PLD5: variants seen among roughly 807,000 people sequenced by gnomAD.
The protein encoded by PLD5 is inactive phospholipase D5.
PLD5 carries 36 observed loss-of-function variants against 61.1 expected under a neutral mutation model. That is an observed-to-expected ratio of 0.59 (90% confidence interval 0.45 to 0.78). The LOEUF is 0.78. PLD5 is among the 30% of genes least tolerant of loss of function. The pLI is 0.00. For synonymous variants in PLD5, 243 were observed against 242.8 expected, an observed-to-expected ratio of 1.00 and a Z score of -0.01; for missense variants, 515 against 644.4, an observed-to-expected ratio of 0.80 and a Z score of 2.17.
chr1:242,508,896 C>T lies in PLD5; in HGVS notation c.189+15192G>A, dbSNP rs565743756. On this transcript the variant is annotated intron_variant, in intron 1 of 9. Transcript: ENST00000536534. ...AGGAGCTCAAAGTCAGCCTGGCCAA[C>T]GTGGGAAAACCCCATCTCTACTAAA... 2.0e-5 allele frequency among the ~76,000 whole-genome samples: 3 copies of T among 152,218 alleles called. No homozygotes were observed. The South Asian group carries it at 6.2e-4, about 32-fold the overall frequency.
intron 5 of PLD5, among the ~76,000 whole-genome samples, chr1:242,199,521 C>G (rs564363848): frequency 2.1e-4 from 32 of 152,156 alleles, no homozygotes; most frequent in Non-Finnish European, 4.0e-4. Context: ...TCCCAAAGGT[C>G]TGGGATTACA....
At chr1:242,159,324 G>T (rs978673921) in intron 5 of PLD5, among the ~76,000 whole-genome samples, 3 of 152,126 alleles carry the variant, frequency 2.0e-5, no homozygotes, top group Non-Finnish European at 4.4e-5. Context: ...AATAACCCTA[G>T]TGTTGACCTT....
In PLD5 at chr1:242,403,915, A is replaced by G. The variant is rs149294813; in HGVS notation, c.190-55673T>C. On this transcript the variant is annotated intron_variant, in intron 1 of 9. Transcript: ENST00000536534. Reference sequence around the variant, plus strand: ...TCTGAGGTTCCTTCCAATTCTATGTATTATAAAAATAATACACAAACCACA... The same window carrying G: ...TCTGAGGTTCCTTCCAATTCTATGTGTTATAAAAATAATACACAAACCACA... Among the ~76,000 whole-genome samples the G allele has an allele frequency of 6.6e-4, 100 of 152,286 alleles. No individual in the cohort carries two copies. The East Asian group carries it at 0.017, about 26-fold the overall frequency.
intron 9 of PLD5, among the ~76,000 whole-genome samples, chr1:242,090,846 T>G (rs535358797): frequency 6.5e-4 from 99 of 152,350 alleles, no homozygotes; most frequent in African/African-American, 2.4e-3. Context: ...GGGAGGGATC[T>G]GTTCCAGACC....
intron 2 of PLD5, chr1:242,345,672 C>G (rs985992178): frequency 2.5e-6 from 2 of 785,144 alleles, no homozygotes; most frequent in African/African-American, 3.4e-5. Flanking sequence ...TGACCTAAAG[C>G]CCACAGGTGT....
chr1:242,162,569 T>C (rs1665925577), intron 5 of PLD5, among the ~76,000 whole-genome samples: 1 of 152,180 alleles, frequency 6.6e-6, no homozygotes, highest in African/African-American at 2.4e-5. Context: ...GCAGACAACC[T>C]TAATGTATTA....
intron 1 of PLD5, among the ~76,000 whole-genome samples, chr1:242,487,937 C>G (rs6429358): frequency 0.67 from 101,619 of 151,866 alleles, 34,651 homozygotes; most frequent in African/African-American, 0.8. Flanking sequence ...TTTGTATATT[C>G]ATCTTATATT....
chr1:242,403,745 C>G (rs961081972), intron 1 of PLD5, among the ~76,000 whole-genome samples: 1 of 152,068 alleles, frequency 6.6e-6, no homozygotes, highest in Non-Finnish European at 1.5e-5. Context: ...TTTTGAGAGG[C>G]CTCCCACATG....
chr1:242,452,959 G>C (rs1666835279), intron 1 of PLD5, among the ~76,000 whole-genome samples: 1 of 152,174 alleles, frequency 6.6e-6, no homozygotes, highest in Admixed American at 6.5e-5. Flanking sequence ...TCAGCGGAAG[G>C]CTATTCCCAC....
chr1:242,246,693 G>C (rs1252131415), intron 4 of PLD5, among the ~76,000 whole-genome samples: 2 of 152,106 alleles, frequency 1.3e-5, no homozygotes. Context: ...TTTTCCCCTT[G>C]TTGGTGGTGT....
At chr1:242,367,722 G>T (rs552677950) in intron 1 of PLD5, among the ~76,000 whole-genome samples, 11 of 152,200 alleles carry the variant, frequency 7.2e-5, no homozygotes, top group Admixed American at 5.2e-4. Context: ...TCACGAAAGA[G>T]GTACTGAACC....
chr1:242,471,720 T>A (rs576536752), intron 1 of PLD5, among the ~76,000 whole-genome samples: 1 of 152,304 alleles, frequency 6.6e-6, no homozygotes, highest in African/African-American at 2.4e-5. Context: ...ACTGGCTGGA[T>A]TCCTAAAACA....
At chr1:242,294,687 T>C (rs1466699510) in intron 2 of PLD5, among the ~76,000 whole-genome samples, 1 of 152,216 alleles carries the variant, frequency 6.6e-6, no homozygotes, top group African/African-American at 2.4e-5. Flanking sequence ...GAAAAAAGGT[T>C]ATTACAAAGA....
chr1:242,317,903 A>G (rs1658120692), intron 2 of PLD5, among the ~76,000 whole-genome samples: 2 of 152,152 alleles, frequency 1.3e-5, no homozygotes, highest in African/African-American at 4.8e-5. Flanking sequence ...ATGGGGGATC[A>G]GTGACAAGTC....
At chr1:242,306,236 C>T (rs1425850230) in intron 2 of PLD5, among the ~76,000 whole-genome samples, 4 of 136,654 alleles carry the variant, frequency 2.9e-5, no homozygotes, top group African/African-American at 8.3e-5. Context: ...AGACTGAATT[C>T]CTGCCAGTCA....
intron 4 of PLD5, among the ~76,000 whole-genome samples, chr1:242,249,310 A>T (rs1255456532): frequency 1.3e-5 from 2 of 152,212 alleles, no homozygotes; most frequent in East Asian, 3.9e-4. Flanking sequence ...TGGTACAGCA[A>T]GAAGGTCCTC....
chr1:242,363,082 C>T (rs1185665342), intron 1 of PLD5, among the ~76,000 whole-genome samples: 3 of 152,130 alleles, frequency 2.0e-5, no homozygotes, highest in African/African-American at 7.2e-5. Flanking sequence ...CGGTGAAGAT[C>T]TTCAGGTCTC....
chr1:242,172,898 CA>C (rs71570939), intron 5 of PLD5, among the ~76,000 whole-genome samples: 15 of 146,372 alleles, frequency 1.0e-4, no homozygotes, highest in Admixed American at 2.0e-4. Flanking sequence ...GCCTATCAAA[CA>C]AAAAAAAAAG....
intron 5 of PLD5, among the ~76,000 whole-genome samples, chr1:242,185,583 C>T (rs991625862): frequency 6.6e-6 from 1 of 152,112 alleles, no homozygotes; most frequent in African/African-American, 2.4e-5. Context: ...CAAGCCTTGC[C>T]TGGGGTAGAG....
Sources: allele counts gnomAD v4.1 joint callset (sites outside exome capture counted in the v4.1 genomes callset), GRCh38; gene constraint gnomAD v4.1.1; transcripts MANE v1.5; gene names NCBI Gene and HGNC (gene_info 2026-07-23, HGNC 2026-07-21).